The following SGCZ variants were observed in gnomAD, a reference collection of about 807,000 sequenced individuals.
SGCZ encodes sarcoglycan zeta, also known as zeta-sarcoglycan.
SGCZ carries 40 observed loss-of-function variants against 41.3 expected under a neutral mutation model. That is an observed-to-expected ratio of 0.97 (90% CI 0.75 to 1.26). SGCZ has a LOEUF of 1.26. SGCZ is among the 50% of genes most tolerant of loss of function. The pLI is 0.00. For missense variants in SGCZ, 552 were observed against 369.8 expected, an observed-to-expected ratio of 1.49 and a Z score of -4.04; for synonymous variants, 206 against 137.5, an observed-to-expected ratio of 1.50 and a Z score of -3.49.
chr8:14,730,752 C>A (rs1331755068), intron 1 of SGCZ, among the ~76,000 whole-genome samples: 1 of 151,736 alleles, frequency 6.6e-6, no homozygotes, highest in Non-Finnish European at 1.5e-5. Flanking sequence ...CCTATCTCAA[C>A]AAATCTATGT....
intron 1 of SGCZ, among the ~76,000 whole-genome samples, chr8:14,766,727 ATTTT>A (rs33955290): frequency 2.2e-5 from 2 of 92,804 alleles, no homozygotes; most frequent in East Asian, 3.1e-4. Context: ...ATGTCCAGCT[ATTTT>A]TTTTTTTTTT....
chr8:14,131,582 C>G (rs1366083916), intron 5 of SGCZ, among the ~76,000 whole-genome samples: 1 of 151,974 alleles, frequency 6.6e-6, no homozygotes, highest in African/African-American at 2.4e-5. Context: ...TTGTTTTTGC[C>G]AGCTTGATTA....
At position 14,697,813 on chromosome 8, in the gene SGCZ, C is replaced by T. The variant is rs192734599; in HGVS notation, c.40-142887G>A. On this transcript the variant is annotated intron_variant, in intron 1 of 7. Coordinates refer to ENST00000382080, the MANE Select transcript of SGCZ (RefSeq NM_139167.4). ...CATATTTTATATTGAACACAACAGT[C>T]CAGCAATACTATTCCCTTAATTCTC... Among the ~76,000 whole-genome samples, 320 of 152,074 alleles carry T rather than the reference C, an allele frequency of 2.1e-3. 2 individuals carry two copies. Among genetic ancestry groups the T allele is most frequent in the African/African-American group, 7.1e-3 (293 of 41,556 alleles).
At chr8:14,872,088 T>A (rs1179644310) in intron 1 of SGCZ, among the ~76,000 whole-genome samples, 3 of 151,930 alleles carry the variant, frequency 2.0e-5, no homozygotes, top group Non-Finnish European at 4.4e-5. Context: ...AAACATTCCA[T>A]GTTCTCACTA....
At chr8:14,650,704 G>A (rs1365876066) in intron 1 of SGCZ, among the ~76,000 whole-genome samples, 1 of 152,010 alleles carries the variant, frequency 6.6e-6, no homozygotes, top group Non-Finnish European at 1.5e-5. Context: ...CTGAAATATT[G>A]CCAGGTGAAA....
intron 1 of SGCZ, among the ~76,000 whole-genome samples, chr8:15,052,453 T>C (rs959162335): frequency 6.6e-6 from 1 of 152,154 alleles, no homozygotes; most frequent in Non-Finnish European, 1.5e-5. Context: ...CTTCCGGATG[T>C]CCTGGCTATG....
chr8:14,406,530 A>C (rs1394129455), intron 2 of SGCZ, among the ~76,000 whole-genome samples: 1 of 152,158 alleles, frequency 6.6e-6, no homozygotes, highest in African/African-American at 2.4e-5. Context: ...TGTTGAATGA[A>C]TGTAACCTGT....
At chr8:14,370,704 G>A (rs1411124568) in intron 2 of SGCZ, among the ~76,000 whole-genome samples, 3 of 151,816 alleles carry the variant, frequency 2.0e-5, no homozygotes, top group Non-Finnish European at 2.9e-5. Flanking sequence ...TAGTTACACA[G>A]CGAGACTTGA....
intron 1 of SGCZ, among the ~76,000 whole-genome samples, chr8:15,140,443 C>A (rs1808277588): frequency 6.6e-6 from 1 of 152,114 alleles, no homozygotes; most frequent in African/African-American, 2.4e-5. Flanking sequence ...TTCAGAGAGT[C>A]AATATCCTCA....
In SGCZ at chr8:14,301,381, A is replaced by C. The variant is rs139125153; in HGVS notation, c.336+22722T>G. On this transcript the variant is annotated intron_variant, in intron 3 of 7. Coordinates refer to ENST00000382080, the MANE Select transcript of SGCZ (RefSeq NM_139167.4). The stretch of plus-strand genomic sequence containing the variant: ...GTAGTGATTCAAATCACAAAAAAAA[A>C]CAAACAATTGTTGAAAAGCCTAACA... Among the ~76,000 whole-genome samples the C allele has an allele frequency of 7.6e-3, 1,150 of 151,976 alleles. 7 individuals are homozygous for C. The highest frequency in any genetic ancestry group is 0.019 in the South Asian group (91 of 4,822).
intron 1 of SGCZ, among the ~76,000 whole-genome samples, chr8:14,940,711 C>T (rs1321769181): frequency 6.6e-6 from 1 of 151,778 alleles, no homozygotes; most frequent in African/African-American, 2.4e-5. Flanking sequence ...AAAACAACAA[C>T]AGGTAAGTGT....
At chr8:15,187,382 TG>T in intron 1 of SGCZ, among the ~76,000 whole-genome samples, 1 of 152,244 alleles carries the variant, frequency 6.6e-6, no homozygotes, top group East Asian at 1.9e-4. Flanking sequence ...GCATGTAATG[TG>T]CATTTTACAA....
rs1013553090 is a variant in SGCZ at position 15,073,642 on chromosome 8, G to C, written c.39+163943C>G. Among the ~76,000 whole-genome samples the C allele has an allele frequency of 5.3e-5, 8 of 152,210 alleles. No individual in the cohort carries two copies. In the South Asian group the frequency reaches 1.7e-3, roughly 32 times the overall value. On this transcript the variant is annotated intron_variant, in intron 1 of 7. Transcript: ENST00000382080. ...CTTATTCAATCAGTTGAAGGCTAAG[G>C]TAAGGACTGAAGATCAAAGAATATG...
In SGCZ at chr8:15,076,819, C is replaced by T. The variant is rs1222538487; in HGVS notation, c.39+160766G>A. Among the ~76,000 whole-genome samples, 17 of 141,762 alleles carry T rather than the reference C, an allele frequency of 1.2e-4. 1 individual carries two copies. The highest frequency in any genetic ancestry group is 4.3e-4 in the African/African-American group (16 of 36,962). The allele number at this position is 141,762 out of a possible 152,430, so 93.0% of individuals were successfully genotyped here. On this transcript the variant is annotated intron_variant, in intron 1 of 7. Transcript: ENST00000382080. ...CGCCTCCCTCCAGCATTCCCTTTTTCGTTACTATTCTCTTCTGTCTCAAAG... is the reference window on the plus strand; with the variant it reads ...CGCCTCCCTCCAGCATTCCCTTTTTTGTTACTATTCTCTTCTGTCTCAAAG...
At chr8:14,825,465 T>G (rs1191543060) in intron 1 of SGCZ, among the ~76,000 whole-genome samples, 1 of 152,232 alleles carries the variant, frequency 6.6e-6, no homozygotes, top group Non-Finnish European at 1.5e-5. Context: ...TTGTGCATTG[T>G]CAAGTTTATG....
chr8:14,754,541 T>C (rs572218739), intron 1 of SGCZ, among the ~76,000 whole-genome samples: 1 of 152,294 alleles, frequency 6.6e-6, no homozygotes, highest in East Asian at 1.9e-4. Context: ...ACACATATAT[T>C]ATAGGAATCC....
chr8:14,237,763 T>G (rs1479586436), intron 3 of SGCZ, 84 bp from the exon 4 acceptor site: 1 of 1,267,620 alleles, frequency 7.9e-7, no homozygotes, highest in African/African-American at 1.5e-5. Context: ...TGTTTGGATA[T>G]TCTGAAAAAT....
At chr8:14,612,439 G>C (rs1335085967) in intron 1 of SGCZ, among the ~76,000 whole-genome samples, 2 of 152,180 alleles carry the variant, frequency 1.3e-5, no homozygotes, top group African/African-American at 4.8e-5. Context: ...CCATAAGGAA[G>C]TGTGAGTCAA....
chr8:14,688,896 A>C (rs546174476), intron 1 of SGCZ, among the ~76,000 whole-genome samples: 1 of 152,270 alleles, frequency 6.6e-6, no homozygotes, highest in African/African-American at 2.4e-5. Flanking sequence ...CCTTAAGCTG[A>C]TAAGCAACTT....
Sources: allele counts gnomAD v4.1 joint callset (sites outside exome capture counted in the v4.1 genomes callset), GRCh38; gene constraint gnomAD v4.1.1; transcripts MANE v1.5; gene names NCBI Gene and HGNC (gene_info 2026-07-23, HGNC 2026-07-21).